Variants in SUMF1 observed in about 807,000 individuals in gnomAD.
SUMF1 encodes the protein sulfatase modifying factor 1.
In SUMF1, 48 loss-of-function variants were observed where a neutral mutation model predicts 47.6. That is an observed-to-expected ratio of 1.01 (90% CI 0.80 to 1.28). The LOEUF (loss-of-function observed/expected upper bound fraction) is 1.28, where lower values mean the gene tolerates loss of function less well. SUMF1 is among the 50% of genes most tolerant of loss of function. The pLI, the probability that SUMF1 is intolerant of heterozygous loss-of-function variation, is 0.00. For synonymous variants in SUMF1, 230 were observed against 192.1 expected (o/e 1.20, Z -1.63); for missense variants, 571 against 485.4 (o/e 1.18, Z -1.66).
At chr3:4,286,264 A>G (rs985363028) in intron 8 of SUMF1, among the ~76,000 whole-genome samples, 2 of 152,116 alleles carry the variant, frequency 1.3e-5, no homozygotes, top group African/African-American at 4.8e-5. Context: ...TAAAAATACT[A>G]TAAAGTTAGG....
intron 8 of SUMF1, among the ~76,000 whole-genome samples, chr3:4,190,058 C>A (rs959513493): frequency 1.3e-5 from 2 of 152,170 alleles, no homozygotes; most frequent in South Asian, 4.1e-4. Flanking sequence ...CCATTGATAT[C>A]TATAAAGACT....
chr3:4,420,291 A>G, intron 3 of SUMF1, 145 bp from the exon 4 acceptor site: 1 of 711,886 alleles, frequency 1.4e-6, no homozygotes, highest in Non-Finnish European at 2.6e-6. Flanking sequence ...TACCAAAATA[A>G]AGACTTATAT....
intron 7 of SUMF1, among the ~76,000 whole-genome samples, chr3:4,383,494 C>T (rs1267238049): frequency 1.3e-5 from 2 of 152,114 alleles, no homozygotes; most frequent in Admixed American, 1.3e-4. Flanking sequence ...ATCCTCTGGT[C>T]GTGGTGGTGG....
In SUMF1 at chr3:4,312,933, C is replaced by G. The variant is rs201233667; in HGVS notation, c.1014+63397G>C. 32 of 1,613,170 alleles carry G rather than the reference C, an allele frequency of 2.0e-5. No individual in the cohort carries two copies. Among genetic ancestry groups the G allele is most frequent in the Non-Finnish European group, 2.5e-5 (29 of 1,179,462 alleles). ...ATCATGTAGTTGGACCTGGAGCAGA[C>G]ATTGATCCCACTCAAATAACCTTTC... On this transcript the variant is annotated intron_variant and NMD_transcript_variant, in intron 8 of 12. Coordinates refer to the SUMF1 transcript ENST00000448413.
At chr3:4,071,490 T>C (rs909576151) in intron 8 of SUMF1, among the ~76,000 whole-genome samples, 9 of 152,156 alleles carry the variant, frequency 5.9e-5, no homozygotes, top group Admixed American at 1.3e-4. Flanking sequence ...GACCAGGAGA[T>C]TCCCTATGGT....
intron 8 of SUMF1, among the ~76,000 whole-genome samples, chr3:4,234,555 C>A (rs1401035167): frequency 6.6e-6 from 1 of 152,058 alleles, no homozygotes; most frequent in East Asian, 1.9e-4. Context: ...CATATATATA[C>A]AGAACTCACA....
intron 8 of SUMF1, among the ~76,000 whole-genome samples, chr3:4,254,945 G>C (rs1315954242): frequency 6.6e-6 from 1 of 152,070 alleles, no homozygotes; most frequent in Non-Finnish European, 1.5e-5. Context: ...CCAGAAGAGA[G>C]GGGGGGCCAG....
chr3:4,228,428 TGACA>T (rs1185284410), intron 8 of SUMF1, among the ~76,000 whole-genome samples: 2 of 151,978 alleles, frequency 1.3e-5, no homozygotes, highest in Non-Finnish European at 1.5e-5. Flanking sequence ...AGATGGCAAG[TGACA>T]GAATACTCAG....
intron 9 of SUMF1, among the ~76,000 whole-genome samples, chr3:4,055,986 C>T (rs1695185999): frequency 6.6e-6 from 1 of 152,162 alleles, no homozygotes; most frequent in South Asian, 2.1e-4. Flanking sequence ...CTTCCTGATG[C>T]TGCCATCTCT....
At chr3:4,417,491 C>G (rs1370498823) in intron 5 of SUMF1, among the ~76,000 whole-genome samples, 1 of 152,186 alleles carries the variant, frequency 6.6e-6, no homozygotes, top group African/African-American at 2.4e-5. Context: ...AATCACAAAA[C>G]TAAAAGAAGG....
At chr3:4,207,771 A>C (rs1273592484) in intron 8 of SUMF1, among the ~76,000 whole-genome samples, 3 of 152,180 alleles carry the variant, frequency 2.0e-5, no homozygotes, top group Non-Finnish European at 4.4e-5. Flanking sequence ...CCCCAAAAAC[A>C]TAGCGACAGA....
chr3:4,232,662 G>A (rs1314464212), intron 8 of SUMF1, among the ~76,000 whole-genome samples: 1 of 151,948 alleles, frequency 6.6e-6, no homozygotes, highest in African/African-American at 2.4e-5. Context: ...TATTTGTTTG[G>A]TTATCATTTA....
At chr3:4,109,571 G>A (rs866091033) in intron 8 of SUMF1, among the ~76,000 whole-genome samples, 7 of 152,204 alleles carry the variant, frequency 4.6e-5, no homozygotes, top group African/African-American at 9.6e-5. Flanking sequence ...CCAATCAGAC[G>A]TAGATTTGGT....
At chr3:4,186,862 T>C (rs937463274) in intron 8 of SUMF1, among the ~76,000 whole-genome samples, 2 of 152,208 alleles carry the variant, frequency 1.3e-5, no homozygotes, top group African/African-American at 4.8e-5. Context: ...CTCTTTCTTC[T>C]CTGTGTTCCT....
intron 8 of SUMF1, chr3:4,303,509 G>C (rs771323846): frequency 4.9e-5 from 70 of 1,440,780 alleles, no homozygotes; most frequent in Non-Finnish European, 6.3e-5. Context: ...CCCGGGGGCC[G>C]CGCCGGCGCC....
At chr3:4,173,743 G>C (rs772537352) in intron 8 of SUMF1, among the ~76,000 whole-genome samples, 10 of 152,050 alleles carry the variant, frequency 6.6e-5, no homozygotes, top group Non-Finnish European at 1.0e-4. Context: ...CATGGATGAA[G>C]CTGGAAACCA....
At chr3:4,330,545 T>TG (rs1699029380) in intron 8 of SUMF1, among the ~76,000 whole-genome samples, 1 of 152,098 alleles carries the variant, frequency 6.6e-6, no homozygotes, top group Admixed American at 6.5e-5. Flanking sequence ...AAGAACAGTA[T>TG]GGGGGAAACT....
intron 8 of SUMF1, among the ~76,000 whole-genome samples, chr3:4,157,954 G>A (rs1208830074): frequency 6.6e-6 from 1 of 151,574 alleles, no homozygotes; most frequent in Non-Finnish European, 1.5e-5. Context: ...TGGCAGCGCT[G>A]CCCAATATCT....
At chr3:4,130,032 C>A (rs574629213) in intron 8 of SUMF1, among the ~76,000 whole-genome samples, 1 of 152,242 alleles carries the variant, frequency 6.6e-6, no homozygotes, top group African/African-American at 2.4e-5. Context: ...AATAGTAAAT[C>A]AAAAACAATA....
Sources: allele counts gnomAD v4.1 joint callset (sites outside exome capture counted in the v4.1 genomes callset), GRCh38; gene constraint gnomAD v4.1.1; transcripts MANE v1.5; gene names NCBI Gene and HGNC (gene_info 2026-07-23, HGNC 2026-07-21).